Variants in MON1B observed in about 807,000 individuals in gnomAD.
The protein encoded by MON1B is MON1 vesicular trafficking associated B.
MON1B carries 26 observed loss-of-function variants against 45.1 expected under a neutral mutation model. The ratio of observed to expected loss-of-function variants is 0.58; its 90% confidence interval spans 0.42 to 0.80. The LOEUF is 0.80. MON1B is among the 30% of genes least tolerant of loss of function. The probability of loss-of-function intolerance (pLI) is 0.00; values close to 1 mark genes in which losing one functional copy is unlikely to be tolerated. For missense variants in MON1B, 737 were observed against 754.5 expected, an observed-to-expected ratio of 0.98 and a Z score of 0.27; for synonymous variants, 395 against 320.2, an observed-to-expected ratio of 1.23 and a Z score of -2.49.
chr16:77,192,397 A>C (rs1486331998), intron 2 of MON1B, among the ~76,000 whole-genome samples: 1 of 152,250 alleles, frequency 6.6e-6, no homozygotes, highest in Non-Finnish European at 1.5e-5. Context: ...TTTTATGGGA[A>C]AATTATTGAG....
rs1451402411 is a variant in MON1B at position 77,201,071 on chromosome 16, T to C, written c.*2763T>C. The C allele has an allele frequency of 6.6e-6, 1 of 152,242 alleles. No individual in the cohort carries two copies. 9.4% of individuals were successfully genotyped at this position (152,242 alleles called of 1,614,324 possible). A position where few individuals can be genotyped will look rare whatever the true frequency, so the allele number is the denominator to read the frequency against. On this transcript the variant is annotated 3_prime_UTR_variant, in exon 6 of 6. Coordinates refer to ENST00000248248, the MANE Select transcript of MON1B (RefSeq NM_014940.4). ...ATTGCTTATTGCCTGACCTAGGATGTGAGCTCCATGAGAACAGAGACTGTT... is the reference window on the plus strand; with the variant it reads ...ATTGCTTATTGCCTGACCTAGGATGCGAGCTCCATGAGAACAGAGACTGTT...
chr16:77,199,584 A>C lies in MON1B; in HGVS notation c.*1276A>C. 2 of 1,163,584 alleles carry C rather than the reference A, an allele frequency of 1.7e-6. No individual in the cohort carries two copies. Among genetic ancestry groups the C allele is most frequent in the Non-Finnish European group, 2.4e-6 (2 of 819,372 alleles). 72.1% of individuals were successfully genotyped at this position (1,163,584 alleles called of 1,614,324 possible). ...GAAAGGAGGGAGGATTCGTCCCATT[A>C]CAATAATGAAATAATGATATTCTAA... On this transcript the variant is annotated 3_prime_UTR_variant, in exon 6 of 6. Transcript: ENST00000248248.
In MON1B at chr16:77,193,484, C is replaced by T; in HGVS notation, c.182C>T (p.Ser61Leu). The T allele has an allele frequency of 6.3e-7, 1 of 1,581,732 alleles. No homozygotes were observed. Among genetic ancestry groups the T allele is most frequent in the Non-Finnish European group, 8.6e-7 (1 of 1,161,798 alleles). Residue 61 changes from serine to leucine, a missense_variant, in exon 3 of 6, where the codon TCA (serine) becomes TTA (leucine). Ser to Leu is a moderately radical substitution (Grantham distance 145, BLOSUM62 -2). Transcript: ENST00000248248. The surrounding 1 kb of genome is among the most constrained non-coding windows in gnomAD (Gnocchi z 5.0). ...SKDKDQPPSP[S>L]PPPQSEALSS... ...GACAAGGACCAGCCACCCAGCCCAT[C>T]ACCACCGCCCCAGTCAGAGGCCCTG...
At position 77,199,385 on chromosome 16, in the gene MON1B, A is replaced by G. The variant is rs1166696545; in HGVS notation, c.*1077A>G. ...ACGCATGCGTGCTGAAAAGCCTTTC[A>G]CCCTCACGTGGTTTCTTTTTTAACC... On this transcript the variant is annotated 3_prime_UTR_variant, in exon 6 of 6. Transcript: ENST00000248248. 1.4e-5 allele frequency: 21 copies of G among 1,494,834 alleles called. No homozygotes were observed. Among genetic ancestry groups the G allele is most frequent in the Admixed American group, 4.0e-5 (2 of 49,792 alleles). 92.6% of individuals were successfully genotyped at this position (1,494,834 alleles called of 1,614,324 possible). A position where few individuals can be genotyped will look rare whatever the true frequency, so the allele number is the denominator to read the frequency against.
In MON1B at chr16:77,193,997, C is replaced by T; in HGVS notation, c.475+220C>T. On this transcript the variant is annotated intron_variant, in intron 3 of 5. Transcript: ENST00000248248. The surrounding 1 kb of genome is among the most constrained non-coding windows in gnomAD (Gnocchi z 5.0). Reference sequence around the variant, plus strand: ...GACTTGCTGGGATCTCAGTGACTAGCTGGATACTTCTGTGTCACCTGAGAG... The same window carrying T: ...GACTTGCTGGGATCTCAGTGACTAGTTGGATACTTCTGTGTCACCTGAGAG... The T allele has an allele frequency of 1.7e-6, 1 of 604,222 alleles. No homozygotes were observed. The highest frequency in any genetic ancestry group is 2.9e-6 in the Non-Finnish European group (1 of 341,874). The allele number at this position is 604,222 out of a possible 1,614,324, so 37.4% of individuals were successfully genotyped here. A position where few individuals can be genotyped will look rare whatever the true frequency, so the allele number is the denominator to read the frequency against.
chr16:77,193,487 C>A lies in MON1B; in HGVS notation c.185C>A (p.Pro62Gln). The part of the protein sequence containing the change: ...KDKDQPPSPS[P>Q]PPQSEALSST... ...AAGGACCAGCCACCCAGCCCATCAC[C>A]ACCGCCCCAGTCAGAGGCCCTGTCA... Residue 62 changes from proline (P) to glutamine (Q), a missense_variant, in exon 3 of 6, where the codon CCA becomes CAA. Physicochemically the swap from Pro to Gln is moderately conservative, Grantham distance 76. Transcript: ENST00000248248. The surrounding 1 kb of genome is among the most constrained non-coding windows in gnomAD (Gnocchi z 5.0). The A allele has an allele frequency of 1.3e-6, 2 of 1,591,360 alleles. No homozygotes were observed. The highest frequency in any genetic ancestry group is 1.7e-6 in the Non-Finnish European group (2 of 1,166,820).
In MON1B at chr16:77,193,740, G is replaced by A. The variant is rs2054636371; in HGVS notation, c.438G>A (p.Val146=). Residue 146 remains valine (V), a synonymous_variant, in exon 3 of 6, where the codon GTG becomes GTA. Coordinates refer to ENST00000248248, the MANE Select transcript of MON1B (RefSeq NM_014940.4). The surrounding 1 kb of genome is among the most constrained non-coding windows in gnomAD (Gnocchi z 5.0). ...TAATGACCGCCCTGGTGTCCTTTGT[G>A]CAGAGTGCGGGAGATGCCATCCGTG... is the stretch of plus-strand genomic sequence containing the variant. ...MGVMTALVSF[V]QSAGDAIRAI... 1 of 1,613,912 alleles carries A rather than the reference G, an allele frequency of 6.2e-7. No homozygotes were observed. Among genetic ancestry groups the A allele is most frequent in the Non-Finnish European group, 8.5e-7 (1 of 1,179,866 alleles).
Position 77,198,861 on chromosome 16 carries a change from C to G in MON1B, c.*553C>G, listed in dbSNP as rs1186101827. 3 of 165,020 alleles carry G rather than the reference C, an allele frequency of 1.8e-5. No homozygotes were observed. Among genetic ancestry groups the G allele is most frequent in the Non-Finnish European group, 4.0e-5 (3 of 74,578 alleles). The allele number at this position is 165,020 out of a possible 1,614,324, so 10.2% of individuals were successfully genotyped here. A position where few individuals can be genotyped will look rare whatever the true frequency, so the allele number is the denominator to read the frequency against. On this transcript the variant is annotated 3_prime_UTR_variant, in exon 6 of 6. Transcript: ENST00000248248. Reference sequence around the variant, plus strand: ...TTTACCCTGCCAGAAATGACCCGCCCTCAATGCTGGCTGCTGCTAACATTA... The same window carrying G: ...TTTACCCTGCCAGAAATGACCCGCCGTCAATGCTGGCTGCTGCTAACATTA...
In MON1B at chr16:77,194,221, T is replaced by C. The variant is rs539264027; in HGVS notation, c.476-114T>C. 13 of 944,766 alleles carry C rather than the reference T, an allele frequency of 1.4e-5. No individual in the cohort carries two copies. In the African/African-American group the frequency reaches 1.8e-4, roughly 13 times the overall value. The allele number at this position is 944,766 out of a possible 1,614,324, so 58.5% of individuals were successfully genotyped here. Reference sequence around the variant, plus strand: ...AGTCCAGGTGCCCACAGAGTGAGCATGTGGACTCGGGCCTGGTGTGTGTAT... The same window carrying C: ...AGTCCAGGTGCCCACAGAGTGAGCACGTGGACTCGGGCCTGGTGTGTGTAT... On this transcript the variant is annotated intron_variant, in intron 3 of 5. Transcript: ENST00000248248. The surrounding 1 kb of genome is among the most constrained non-coding windows in gnomAD (Gnocchi z 8.1).
At chr16:77,197,959 A>T (rs1255812277) in intron 5 of MON1B, 149 bp from the exon 6 acceptor site, 6 of 756,794 alleles carry the variant, frequency 7.9e-6, no homozygotes, top group Non-Finnish European at 1.3e-5. Context: ...TACCTACCTT[A>T]GCCCAGTATC....
At position 77,199,177 on chromosome 16, in the gene MON1B, T is replaced by A. The variant is rs1277634873; in HGVS notation, c.*869T>A. Reference sequence around the variant, plus strand: ...CAGCCTAAAGCAGGAGAGACCTCCCTAGGGTTTTGTGTGTGTGCACACTAC... The same window carrying A: ...CAGCCTAAAGCAGGAGAGACCTCCCAAGGGTTTTGTGTGTGTGCACACTAC... On this transcript the variant is annotated 3_prime_UTR_variant, in exon 6 of 6. Transcript: ENST00000248248. 4 of 446,052 alleles carry A rather than the reference T, an allele frequency of 9.0e-6. No homozygotes were observed. In the Admixed American group the frequency reaches 1.6e-4, roughly 17 times the overall value. The allele number at this position is 446,052 out of a possible 1,614,324, so 27.6% of individuals were successfully genotyped here. A position where few individuals can be genotyped will look rare whatever the true frequency, so the allele number is the denominator to read the frequency against.
In MON1B at chr16:77,193,599, C is replaced by A; in HGVS notation, c.297C>A (p.Asp99Glu). 4.3e-6 allele frequency: 7 copies of A among 1,614,066 alleles called. No individual in the cohort carries two copies. Among genetic ancestry groups the A allele is most frequent in the Non-Finnish European group, 5.9e-6 (7 of 1,179,956 alleles). The change falls in exon 3 of 6, where the codon GAC becomes GAA. Residue 99 changes from aspartate to glutamate, a missense_variant. Physicochemically the swap from Asp to Glu is conservative, Grantham distance 45. Transcript: ENST00000248248. The surrounding 1 kb of genome is among the most constrained non-coding windows in gnomAD (Gnocchi z 5.0). ...PESSSGGQGGDPSDEEWRSQR... is the reference protein window; with the variant it reads ...PESSSGGQGGEPSDEEWRSQR... Reference sequence around the variant, plus strand: ...GTAGCTCTGGAGGCCAGGGCGGGGACCCCAGTGATGAGGAGTGGCGCAGCC... The same window carrying A: ...GTAGCTCTGGAGGCCAGGGCGGGGAACCCAGTGATGAGGAGTGGCGCAGCC...
intron 2 of MON1B, among the ~76,000 whole-genome samples, chr16:77,191,988 G>C (rs977283323): frequency 6.6e-6 from 1 of 151,974 alleles, no homozygotes; most frequent in African/African-American, 2.4e-5. Context: ...TGAGAAGTTA[G>C]TGTTTTTGAG....
In MON1B at chr16:77,199,104, T is replaced by C. The variant is rs1167679834; in HGVS notation, c.*796T>C. 2.5e-5 allele frequency: 7 copies of C among 276,596 alleles called. No homozygotes were observed. The highest frequency in any genetic ancestry group is 4.1e-5 in the Non-Finnish European group (6 of 147,858). 17.1% of individuals were successfully genotyped at this position (276,596 alleles called of 1,614,324 possible). A position where few individuals can be genotyped will look rare whatever the true frequency, so the allele number is the denominator to read the frequency against. Reference sequence around the variant, plus strand: ...ACTCGAACTATTGTGTACCACCACATAGCACATGCACGTCTGTCCCAGACT... The same window carrying C: ...ACTCGAACTATTGTGTACCACCACACAGCACATGCACGTCTGTCCCAGACT... On this transcript the variant is annotated 3_prime_UTR_variant, in exon 6 of 6. Coordinates refer to ENST00000248248, the MANE Select transcript of MON1B (RefSeq NM_014940.4).
chr16:77,191,643 C>T lies in MON1B; in HGVS notation c.148+10C>T. ...GGCCTGGAGGAAACAGGTATGACTC[C>T]ACTTAGTGGGGTCTTAAAAGGAATC... On this transcript the variant is annotated intron_variant, in intron 2 of 5. Coordinates refer to ENST00000248248, the MANE Select transcript of MON1B (RefSeq NM_014940.4). 1 of 1,608,222 alleles carries T rather than the reference C, an allele frequency of 6.2e-7. No individual in the cohort carries two copies. The highest frequency in any genetic ancestry group is 2.2e-5 in the East Asian group (1 of 44,744).
Position 77,194,547 on chromosome 16 carries a change from G to A in MON1B, c.688G>A (p.Asp230Asn). 1 of 1,614,056 alleles carries A rather than the reference G, an allele frequency of 6.2e-7. No homozygotes were observed. Among genetic ancestry groups the A allele is most frequent in the East Asian group, 2.2e-5 (1 of 44,862 alleles). Residue 230 changes from aspartate (D) to asparagine (N), a missense_variant, in exon 4 of 6, where the codon GAC becomes AAC. Coordinates refer to ENST00000248248, the MANE Select transcript of MON1B (RefSeq NM_014940.4). This position sits in a 1 kb window ranked among gnomAD's most constrained non-coding sequence, Gnocchi z 8.1. ...GCTGGCTGGTTCAGAGCGCACACTG[G>A]ACCGACTTCTGGACAGTATGGAGCA... is the stretch of plus-strand genomic sequence containing the variant. ...RLLAGSERTL[D>N]RLLDSMEQDP... is the part of the protein sequence containing the mutation.
chr16:77,191,520 C>G lies in MON1B; in HGVS notation c.35C>G (p.Pro12Arg), dbSNP rs368005900. The part of the protein sequence containing the change: ...EVGGDTAAPA[P>R]GGAEDLEDTQ... ...GGAGGAGACACTGCTGCCCCGGCCCCCGGGGGCGCGGAGGACTTGGAGGAC... is the reference window on the plus strand; with the variant it reads ...GGAGGAGACACTGCTGCCCCGGCCCGCGGGGGCGCGGAGGACTTGGAGGAC... The change falls in exon 2 of 6, where the codon CCC (proline) becomes CGC (arginine). Residue 12 changes from proline (P) to arginine (R), a missense_variant. By Grantham distance (103) the Pro-to-Arg change is moderately radical. Coordinates refer to ENST00000248248, the MANE Select transcript of MON1B (RefSeq NM_014940.4). 143 of 1,608,378 alleles carry G rather than the reference C, an allele frequency of 8.9e-5. No homozygotes were observed. The highest frequency in any genetic ancestry group is 1.2e-4 in the Non-Finnish European group (140 of 1,178,404).
rs779024316 is a variant in MON1B, at chr16:77,191,473, C to G, written c.-10-3C>G. On this transcript the variant is annotated splice_polypyrimidine_tract_variant and splice_region_variant and intron_variant, in intron 1 of 5. Transcript: ENST00000248248. The stretch of plus-strand genomic sequence containing the variant: ...CGTCACCCTCGATTCCCCTCCCACT[C>G]AGGGATGTGCAGATGGAGGTCGGAG... The G allele has an allele frequency of 5.6e-6, 9 of 1,596,026 alleles. No individual in the cohort carries two copies. The South Asian group carries it at 9.0e-5, about 16-fold the overall frequency.
chr16:77,195,437 T>G, intron 4 of MON1B, 98 bp from the exon 5 acceptor site: 1 of 1,395,266 alleles, frequency 7.2e-7, no homozygotes, highest in East Asian at 2.5e-5. Flanking sequence ...GAGGCTCAGC[T>G]CCCTAACTTC....
Sources: allele counts gnomAD v4.1 joint callset (sites outside exome capture counted in the v4.1 genomes callset), GRCh38; gene constraint gnomAD v4.1.1; non-coding constraint Gnocchi (gnomAD v3.1); transcripts MANE v1.5; gene names NCBI Gene and HGNC (gene_info 2026-07-23, HGNC 2026-07-21).